TVP23B: variants seen among roughly 807,000 people sequenced by gnomAD.
The protein encoded by TVP23B is trans-golgi network vesicle protein 23 homolog B.
TVP23B carries 10 observed loss-of-function variants against 30.6 expected under a neutral mutation model. The observed-to-expected ratio is 0.33, with a 90% CI of 0.20 to 0.55. The LOEUF (loss-of-function observed/expected upper bound fraction) is 0.55, where lower values mean the gene tolerates loss of function less well. TVP23B is among the 20% of genes least tolerant of loss of function. TVP23B has a pLI of 0.91. For synonymous variants in TVP23B, 67 were observed against 83.1 expected, an observed-to-expected ratio of 0.81 and a Z score of 1.06; for missense variants, 153 against 243.2, an observed-to-expected ratio of 0.63 and a Z score of 2.47.
intron 1 of TVP23B, among the ~76,000 whole-genome samples, chr17:18,783,417 C>G (rs1362677012): frequency 6.6e-6 from 1 of 152,146 alleles, no homozygotes; most frequent in Non-Finnish European, 1.5e-5. Flanking sequence ...ACGGTTCCCA[C>G]TTGATAAATT....
In TVP23B at chr17:18,791,960, C is replaced by G. The variant is rs567060734; in HGVS notation, c.240+920C>G. Among the ~76,000 whole-genome samples, 5 of 145,898 alleles carry G rather than the reference C, an allele frequency of 3.4e-5. No individual in the cohort carries two copies. In the East Asian group the frequency reaches 9.6e-4, roughly 28 times the overall value. ...AAGGCTGATTTTGGAGTTTCAGAGA[C>G]ACATACTGATTCAAAGACTAGTAAG... On this transcript the variant is annotated intron_variant, in intron 3 of 6. Coordinates refer to ENST00000307767, the MANE Select transcript of TVP23B (RefSeq NM_016078.6).
chr17:18,781,565 G>A, intron 1 of TVP23B: 1 of 524,518 alleles, frequency 1.9e-6, no homozygotes, highest in Non-Finnish European at 3.2e-6. Context: ...CAGCGCGAGT[G>A]GGGGTCTCTC....
At chr17:18,787,896 G>C (rs1468374561) in intron 1 of TVP23B, among the ~76,000 whole-genome samples, 1 of 152,090 alleles carries the variant, frequency 6.6e-6, no homozygotes, top group Non-Finnish European at 1.5e-5. Flanking sequence ...ATATTGGGAG[G>C]ATTGCTCTGG....
chr17:18,789,165 T>G (rs1597616162), intron 1 of TVP23B, 188 bp from the exon 2 acceptor site: 1 of 893,000 alleles, frequency 1.1e-6, no homozygotes, highest in Non-Finnish European at 1.6e-6. Context: ...ATTCTCTGGG[T>G]TTTTTGCCAG....
chr17:18,792,125 C>T (rs1210197172), intron 3 of TVP23B, among the ~76,000 whole-genome samples: 3 of 151,980 alleles, frequency 2.0e-5, no homozygotes, highest in African/African-American at 7.2e-5. Context: ...CCTCTGCCTC[C>T]TGGGTTCAGG....
At chr17:18,783,886 C>G (rs1205484117) in intron 1 of TVP23B, among the ~76,000 whole-genome samples, 9 of 152,222 alleles carry the variant, frequency 5.9e-5, no homozygotes, top group Non-Finnish European at 1.3e-4. Flanking sequence ...GTGGCTCACG[C>G]CTGTAATCCC....
At chr17:18,804,059 T>C in intron 5 of TVP23B, 79 bp from the exon 6 acceptor site, 1 of 1,171,132 alleles carries the variant, frequency 8.5e-7, no homozygotes, top group Non-Finnish European at 1.2e-6. Context: ...CTCATGACAG[T>C]CTGCCTTGTC....
chr17:18,788,394 T>C (rs1488230573), intron 1 of TVP23B, among the ~76,000 whole-genome samples: 3 of 150,650 alleles, frequency 2.0e-5, no homozygotes, highest in African/African-American at 4.9e-5. Context: ...AGGTAGAGGA[T>C]TGAAGGGGAG....
chr17:18,785,342 C>T (rs2035886020), intron 1 of TVP23B, among the ~76,000 whole-genome samples: 1 of 151,670 alleles, frequency 6.6e-6, no homozygotes, highest in South Asian at 2.1e-4. Context: ...CGTGGTCTTC[C>T]CCATCTTAGT....
At chr17:18,791,129 C>A in intron 3 of TVP23B, 89 bp downstream of exon 3, 2 of 1,262,826 alleles carry the variant, frequency 1.6e-6, no homozygotes, top group Admixed American at 3.4e-5. Flanking sequence ...TATTGTTAAT[C>A]TTTTGTTACT....
intron 1 of TVP23B, 134 bp from the exon 2 acceptor site, chr17:18,789,219 C>G (rs563880009): frequency 2.2e-6 from 3 of 1,376,420 alleles, no homozygotes; most frequent in African/African-American, 1.5e-5. Context: ...TGTCCTTTTC[C>G]TAGGTTTTGA....
chr17:18,803,785 T>C lies in TVP23B; in HGVS notation c.463-353T>C, dbSNP rs556562912. Among the ~76,000 whole-genome samples the C allele has an allele frequency of 4.1e-4, 62 of 152,326 alleles. 1 individual carries two copies. Among genetic ancestry groups the C allele is most frequent in the African/African-American group, 1.3e-3 (54 of 41,566 alleles). On this transcript the variant is annotated intron_variant, in intron 5 of 6. Transcript: ENST00000307767. ...TATAGGAATAATTAACATTTGAACC[T>C]TTCCTGAGTCTCATTTACTTTTCCT... is the stretch of plus-strand genomic sequence containing the variant.
chr17:18,802,010 C>G (rs1447990741), intron 5 of TVP23B, among the ~76,000 whole-genome samples: 1 of 152,074 alleles, frequency 6.6e-6, no homozygotes, highest in Non-Finnish European at 1.5e-5. Flanking sequence ...ATCACGAGGT[C>G]AGGAGATCGA....
In TVP23B at chr17:18,790,916, T is replaced by G. The variant is rs1244812785; in HGVS notation, c.116T>G (p.Phe39Cys). 3 of 1,610,742 alleles carry G rather than the reference T, an allele frequency of 1.9e-6. No individual in the cohort carries two copies. Among genetic ancestry groups the G allele is most frequent in the Non-Finnish European group, 2.5e-6 (3 of 1,179,158 alleles). The stretch of plus-strand genomic sequence containing the variant: ...TTCAGACATCCAGTAGCATCGTTTT[T>G]CCACTTATTCTTTCGAGTCAGTGCA... ...AKIRHPVASF[F>C]HLFFRVSAII... Residue 39 changes from phenylalanine (F) to cysteine (C), a missense_variant, in exon 3 of 7, where the codon TTC becomes TGC. Around this residue, in one of 3 missense-constraint regions of TVP23B, gnomAD observed 53 missense variants for 128.0 expected, o/e 0.41. Coordinates refer to ENST00000307767, the MANE Select transcript of TVP23B (RefSeq NM_016078.6).
chr17:18,783,426 T>C (rs2035843055), intron 1 of TVP23B, among the ~76,000 whole-genome samples: 1 of 152,170 alleles, frequency 6.6e-6, no homozygotes, highest in Non-Finnish European at 1.5e-5. Flanking sequence ...ACTTGATAAA[T>C]TTGTGACGTG....
intron 5 of TVP23B, among the ~76,000 whole-genome samples, chr17:18,799,551 G>A (rs1257962470): frequency 6.6e-6 from 1 of 152,158 alleles, no homozygotes. Context: ...CATCGCTTCT[G>A]CTGCCCACTC....
Position 18,790,902 on chromosome 17 carries a change from A to T in TVP23B, c.102A>T (p.Pro34=), listed in dbSNP as rs1189135996. Residue 34 remains proline, a synonymous_variant, in exon 3 of 7, where the codon CCA becomes CCT. Transcript: ENST00000307767. ...NRPRKAKIRH[P]VASFFHLFFR... is the part of the protein sequence containing the mutation. ...ATTGTGTTTTGGTTTTCAGACATCC[A>T]GTAGCATCGTTTTTCCACTTATTCT... 6.2e-7 allele frequency: 1 copy of T among 1,610,590 alleles called. No homozygotes were observed. Among genetic ancestry groups the T allele is most frequent in the East Asian group, 2.2e-5 (1 of 44,846 alleles).
At chr17:18,787,648 C>T (rs186275809) in intron 1 of TVP23B, among the ~76,000 whole-genome samples, 542 of 152,252 alleles carry the variant, frequency 3.6e-3, no homozygotes, top group Non-Finnish European at 6.5e-3. Context: ...GAAGAGTTTT[C>T]TGAGACAACA....
chr17:18,787,392 G>A (rs1280381046), intron 1 of TVP23B, among the ~76,000 whole-genome samples: 2 of 118,892 alleles, frequency 1.7e-5, no homozygotes, highest in Non-Finnish European at 3.3e-5. Context: ...GACAGAGCAA[G>A]ACTCTGTCTC....
Sources: allele counts gnomAD v4.1 joint callset (sites outside exome capture counted in the v4.1 genomes callset), GRCh38; gene constraint gnomAD v4.1.1; regional missense constraint gnomAD v4.1.1; transcripts MANE v1.5; gene names NCBI Gene and HGNC (gene_info 2026-07-23, HGNC 2026-07-21).